MTA3: variants seen among roughly 807,000 people sequenced by gnomAD.
MTA3 encodes metastasis-associated protein MTA3.
MTA3 carries 34 observed loss-of-function variants against 83.5 expected under a neutral mutation model. The ratio of observed to expected loss-of-function variants is 0.41; its 90% confidence interval spans 0.31 to 0.54. The LOEUF (loss-of-function observed/expected upper bound fraction) is 0.54, where lower values mean the gene tolerates loss of function less well. Among genes scored for constraint, MTA3 ranks in the 20% least tolerant of loss-of-function variants. The pLI is 0.33. For missense variants in MTA3, 761 were observed against 726.4 expected (o/e 1.05, Z -0.55); for synonymous variants, 303 against 252.7 (o/e 1.20, Z -1.89).
intron 2 of MTA3, among the ~76,000 whole-genome samples, chr2:42,513,285 G>A (rs1379735510): frequency 6.6e-6 from 1 of 152,232 alleles, no homozygotes; most frequent in Non-Finnish European, 1.5e-5. Flanking sequence ...AATGAAATGA[G>A]CATTACTTGG....
At chr2:42,572,449 C>G (rs1309136634) in intron 2 of MTA3, among the ~76,000 whole-genome samples, 2 of 151,888 alleles carry the variant, frequency 1.3e-5, no homozygotes, top group Non-Finnish European at 2.9e-5. Context: ...CATGATGGCA[C>G]ATGCCTGTAG....
intron 9 of MTA3, among the ~76,000 whole-genome samples, chr2:42,691,514 C>T (rs1692899589): frequency 6.6e-6 from 1 of 152,062 alleles, no homozygotes; most frequent in African/African-American, 2.4e-5. Context: ...ATTAGTTCAT[C>T]ATTTAGGCTT....
chr2:42,541,676 G>C (rs1389724041), intron 2 of MTA3, among the ~76,000 whole-genome samples: 2 of 152,092 alleles, frequency 1.3e-5, no homozygotes, highest in African/African-American at 4.8e-5. Context: ...ATCAGTTGAG[G>C]GGCATCTGTA....
intron 16 of MTA3, among the ~76,000 whole-genome samples, chr2:42,726,081 C>T (rs1185781362): frequency 6.6e-6 from 1 of 152,112 alleles, no homozygotes; most frequent in Non-Finnish European, 1.5e-5. Flanking sequence ...TAGTTATTAC[C>T]ATCATATACT....
upstream of MTA3, among the ~76,000 whole-genome samples, chr2:42,565,749 A>T (rs972835497): frequency 1.3e-5 from 2 of 152,076 alleles, no homozygotes; most frequent in African/African-American, 4.8e-5. Flanking sequence ...TCATGCCTGT[A>T]ATCCCAGCAT....
chr2:42,495,801 G>C (rs896240811), intron 2 of MTA3, among the ~76,000 whole-genome samples: 1 of 152,146 alleles, frequency 6.6e-6, no homozygotes, highest in Non-Finnish European at 1.5e-5. Context: ...TCATTCTAAG[G>C]AGAAGGTCAT....
intron 2 of MTA3, among the ~76,000 whole-genome samples, chr2:42,516,136 C>G (rs1675135793): frequency 6.6e-6 from 1 of 152,038 alleles, no homozygotes. Context: ...CCAGGATGGT[C>G]TTGATTTCCT....
At position 42,649,818 on chromosome 2, in the gene MTA3, C is replaced by T. The variant is rs560624401; in HGVS notation, c.499+5574C>T. 1.4e-4 allele frequency among the ~76,000 whole-genome samples: 22 copies of T among 152,202 alleles called. No individual in the cohort carries two copies. In the South Asian group the frequency reaches 4.6e-3, roughly 32 times the overall value. On this transcript the variant is annotated intron_variant, in intron 6 of 16. Transcript: ENST00000405094. ...TGGGGGAAAAATTACATTCTGCATT[C>T]GATTTTTAATTTATTTGAAGCTGTA... is the stretch of plus-strand genomic sequence containing the variant.
chr2:42,633,888 CAA>C (rs749085536), intron 4 of MTA3, among the ~76,000 whole-genome samples: 1 of 101,112 alleles, frequency 9.9e-6, no homozygotes, highest in Non-Finnish European at 2.2e-5. Context: ...GACTCTGTCT[CAA>C]AAAAAAAAAA....
intron 2 of MTA3, among the ~76,000 whole-genome samples, chr2:42,557,136 G>A (rs540234394): frequency 3.3e-5 from 5 of 152,054 alleles, no homozygotes; most frequent in African/African-American, 7.2e-5. Flanking sequence ...CCAGCTACTC[G>A]GGAGGCTGAG....
chr2:42,665,025 T>TA (rs755796220), intron 8 of MTA3, among the ~76,000 whole-genome samples: 3 of 152,316 alleles, frequency 2.0e-5, no homozygotes, highest in Non-Finnish European at 4.4e-5. Context: ...TCATAATTGT[T>TA]AAAAAACATT....
chr2:42,658,655 G>T (rs1689394888), intron 7 of MTA3, among the ~76,000 whole-genome samples: 1 of 152,148 alleles, frequency 6.6e-6, no homozygotes, highest in Non-Finnish European at 1.5e-5. Flanking sequence ...GAGCCTCTGG[G>T]TTGTGGTCAT....
chr2:42,684,751 A>G (rs1032186535), intron 9 of MTA3, among the ~76,000 whole-genome samples: 1 of 152,226 alleles, frequency 6.6e-6, no homozygotes, highest in African/African-American at 2.4e-5. Flanking sequence ...ACCAAATGTA[A>G]TACCTCATTC....
chr2:42,501,117 C>T (rs1006167549), intron 2 of MTA3, among the ~76,000 whole-genome samples: 1 of 152,072 alleles, frequency 6.6e-6, no homozygotes, highest in African/African-American at 2.4e-5. Context: ...ACCTGTATAG[C>T]ATCTTAATAA....
chr2:42,653,858 T>A (rs546716225), intron 6 of MTA3, among the ~76,000 whole-genome samples: 1 of 152,328 alleles, frequency 6.6e-6, no homozygotes, highest in East Asian at 1.9e-4. Context: ...GCAACATCAT[T>A]TCTTGTGTGT....
intron 3 of MTA3, among the ~76,000 whole-genome samples, chr2:42,598,356 C>T (rs562857597): frequency 6.6e-6 from 1 of 152,200 alleles, no homozygotes; most frequent in Non-Finnish European, 1.5e-5. Flanking sequence ...TGAGCCACCG[C>T]GCCTGGCCTT....
At chr2:42,628,514 G>A (rs1196820054) in intron 4 of MTA3, among the ~76,000 whole-genome samples, 3 of 152,150 alleles carry the variant, frequency 2.0e-5, no homozygotes, top group Non-Finnish European at 4.4e-5. Flanking sequence ...GATTACAGGC[G>A]TGAGCCACCA....
At chr2:42,545,872 C>A (rs1467840105) in intron 2 of MTA3, among the ~76,000 whole-genome samples, 1 of 152,036 alleles carries the variant, frequency 6.6e-6, no homozygotes, top group South Asian at 2.1e-4. Context: ...TACTGTGCCA[C>A]GCTGCAGTTG....
At chr2:42,577,572 C>T (rs1173702102) in intron 2 of MTA3, among the ~76,000 whole-genome samples, 2 of 151,592 alleles carry the variant, frequency 1.3e-5, no homozygotes, top group Non-Finnish European at 2.9e-5. Context: ...CCTCCACCTC[C>T]CAGGTTCAAG....
Sources: allele counts gnomAD v4.1 joint callset (sites outside exome capture counted in the v4.1 genomes callset), GRCh38; gene constraint gnomAD v4.1.1; transcripts MANE v1.5; gene names NCBI Gene and HGNC (gene_info 2026-07-23, HGNC 2026-07-21).